MAP4: variants seen among roughly 807,000 people sequenced by gnomAD.
The protein encoded by MAP4 is microtubule-associated protein 4.
In MAP4, 76 loss-of-function variants were observed where a neutral mutation model predicts 170.2. That is an observed-to-expected ratio of 0.45 (90% CI 0.37 to 0.54). MAP4 has a LOEUF of 0.54. MAP4 is among the 20% of genes least tolerant of loss of function. The pLI, the probability that MAP4 is intolerant of heterozygous loss-of-function variation, is 0.00. For missense variants in MAP4, 2,506 were observed against 2,748.0 expected (o/e 0.91, Z 1.97); for synonymous variants, 909 against 994.5 (o/e 0.91, Z 1.62).
chr3:48,054,677 G>A (rs749962346), intron 1 of MAP4, among the ~76,000 whole-genome samples: 17 of 146,758 alleles, frequency 1.2e-4, no homozygotes, highest in South Asian at 2.1e-4. Context: ...CCATGGTGGC[G>A]GGCTCCTGTA....
In MAP4 at chr3:47,910,608, C is replaced by G. The variant is rs529615542; in HGVS notation, c.3813G>C (p.Ser1271=). ...TGGGTGTATCTGGTGTATGTGAGAA[C>G]GAAGAATCATGCATTTTGGGGAAAG... is the stretch of plus-strand genomic sequence containing the variant. ...GFTFPKMHDS[S]FSHTPDTPTV... The change falls in exon 9 of 21, where the codon TCG becomes TCC. Residue 1271 remains serine, a synonymous_variant. Transcript: ENST00000683076. 6.5e-7 allele frequency: 1 copy of G among 1,536,074 alleles called. No individual in the cohort carries two copies. Among genetic ancestry groups the G allele is most frequent in the African/African-American group, 1.4e-5 (1 of 73,146 alleles).
At chr3:48,024,017 G>A (rs545439890) in intron 1 of MAP4, among the ~76,000 whole-genome samples, 4 of 152,200 alleles carry the variant, frequency 2.6e-5, no homozygotes, top group Admixed American at 2.6e-4. Context: ...TGTGAATAAA[G>A]AATCAAAAAA....
In MAP4 at chr3:47,916,251, T is replaced by C. The variant is rs138046751; in HGVS notation, c.1576A>G (p.Thr526Ala). The stretch of plus-strand genomic sequence containing the variant: ...ACGTTCTTGATGAGAACTACTTCTG[T>C]TTCTGGAGGTGGAGTCACATCCTTG... ...LGKDVTPPPE[T>A]EVVLIKNVCL... is the part of the protein sequence containing the mutation. The change falls in exon 7 of 21, where the codon ACA becomes GCA. Residue 526 changes from threonine to alanine, a missense_variant. Thr to Ala is a moderately conservative substitution (Grantham distance 58). Around this residue, in one of 3 missense-constraint regions of MAP4, gnomAD observed 2,008 missense variants for 2,206.0 expected, o/e 0.91. Coordinates refer to ENST00000683076, the MANE Select transcript of MAP4 (RefSeq NM_001385682.1). The C allele has an allele frequency of 2.2e-3, 3,594 of 1,614,190 alleles. 4 individuals are homozygous for C. The highest frequency in any genetic ancestry group is 2.8e-3 in the Non-Finnish European group (3,306 of 1,180,040).
chr3:47,919,121 C>T (rs376320726), intron 5 of MAP4, among the ~76,000 whole-genome samples: 31 of 151,336 alleles, frequency 2.0e-4, no homozygotes, highest in East Asian at 5.9e-4. Flanking sequence ...TTAGTAGAGG[C>T]GGGGTTTCAC....
intron 3 of MAP4, among the ~76,000 whole-genome samples, chr3:47,971,399 A>G (rs1355292564): frequency 6.6e-6 from 1 of 152,208 alleles, no homozygotes. Flanking sequence ...TTCTGATGCT[A>G]AATCCTTTGC....
At chr3:48,056,516 C>G (rs1183861075) in intron 1 of MAP4, among the ~76,000 whole-genome samples, 3 of 81,380 alleles carry the variant, frequency 3.7e-5, no homozygotes, top group Admixed American at 9.8e-5. Context: ...CCCCGGCCAG[C>G]CGCCCCGTCT....
rs139598489 is a variant in MAP4 at position 48,085,849 on chromosome 3, G to C, written c.-20+2924C>G. Among the ~76,000 whole-genome samples, 626 of 152,210 alleles carry C rather than the reference G, an allele frequency of 4.1e-3. 5 individuals carry two copies. Among genetic ancestry groups the C allele is most frequent in the African/African-American group, 0.014 (591 of 41,538 alleles). On this transcript the variant is annotated intron_variant, in intron 1 of 18. Transcript: ENST00000360240. ...AGGCAGGCGGAACACGAGGTCAGGA[G>C]ATAGAGACCACCCTAACACAGTGAA...
chr3:47,973,038 A>T (rs1208988409), intron 3 of MAP4: 2 of 985,154 alleles, frequency 2.0e-6, no homozygotes. Flanking sequence ...TTTTAGTAAC[A>T]TTATATTTCA....
intron 3 of MAP4, among the ~76,000 whole-genome samples, chr3:47,952,934 T>C (rs1167350211): frequency 6.6e-6 from 1 of 151,108 alleles, no homozygotes; most frequent in Non-Finnish European, 1.5e-5. Flanking sequence ...AAAAAATAAA[T>C]AAAATACAAA....
intron 10 of MAP4, among the ~76,000 whole-genome samples, chr3:47,881,826 G>T (rs947953557): frequency 6.6e-6 from 1 of 151,746 alleles, no homozygotes; most frequent in African/African-American, 2.4e-5. Context: ...GGCTGGTCTC[G>T]AACTCCTAGG....
intron 1 of MAP4, among the ~76,000 whole-genome samples, chr3:48,045,363 CAGG>C (rs1158647816): frequency 6.6e-6 from 1 of 151,436 alleles, no homozygotes; most frequent in Non-Finnish European, 1.5e-5. Context: ...TGCACTAAAG[CAGG>C]AGGTGAGCGA....
chr3:48,003,579 G>A (rs188616585), intron 1 of MAP4, among the ~76,000 whole-genome samples: 35 of 152,050 alleles, frequency 2.3e-4, no homozygotes, highest in Non-Finnish European at 2.2e-4. Flanking sequence ...AAATCTGCTT[G>A]AGCTTTGGTT....
chr3:47,992,182 C>T (rs2100092742), intron 2 of MAP4, among the ~76,000 whole-genome samples: 1 of 152,028 alleles, frequency 6.6e-6, no homozygotes, highest in South Asian at 2.1e-4. Flanking sequence ...GTCATTATGG[C>T]AAAAACCATC....
At chr3:48,038,176 GAAAAAAAA>G (rs397786308) in intron 1 of MAP4, among the ~76,000 whole-genome samples, 2 of 118,872 alleles carry the variant, frequency 1.7e-5, no homozygotes, top group African/African-American at 6.8e-5. Flanking sequence ...TCCAAAAAAA[GAAAAAAAA>G]AAAAAAAAAA....
chr3:47,936,478 G>A (rs1394881592), intron 3 of MAP4, among the ~76,000 whole-genome samples: 1 of 151,338 alleles, frequency 6.6e-6, no homozygotes, highest in Non-Finnish European at 1.5e-5. Context: ...AGAGACTTAT[G>A]GATCAGGTAT....
intron 1 of MAP4, among the ~76,000 whole-genome samples, chr3:48,066,106 C>A (rs138735606): frequency 9.1e-4 from 139 of 152,070 alleles, no homozygotes; most frequent in African/African-American, 3.2e-3. Flanking sequence ...ATAGTATATC[C>A]GTAGAAGTTT....
chr3:47,946,372 G>A (rs1333080777), intron 3 of MAP4, among the ~76,000 whole-genome samples: 1 of 151,414 alleles, frequency 6.6e-6, no homozygotes, highest in African/African-American at 2.4e-5. Context: ...AACAACTATT[G>A]GCTGGGCATG....
intron 3 of MAP4, among the ~76,000 whole-genome samples, chr3:47,938,372 A>T (rs1197217038): frequency 6.6e-6 from 1 of 152,048 alleles, no homozygotes; most frequent in African/African-American, 2.4e-5. Flanking sequence ...GTCTCAAAGG[A>T]AAAAAAGAAA....
chr3:48,059,088 T>C (rs1289377038), intron 1 of MAP4, among the ~76,000 whole-genome samples: 2 of 152,104 alleles, frequency 1.3e-5, no homozygotes, highest in Non-Finnish European at 2.9e-5. Flanking sequence ...ATTACAACAT[T>C]ATTTTAAACA....
Sources: allele counts gnomAD v4.1 joint callset (sites outside exome capture counted in the v4.1 genomes callset), GRCh38; gene constraint gnomAD v4.1.1; regional missense constraint gnomAD v4.1.1; transcripts MANE v1.5; gene names NCBI Gene and HGNC (gene_info 2026-07-23, HGNC 2026-07-21).